The following ERV3-1 variants were observed in gnomAD, a reference collection of about 807,000 sequenced individuals.
The protein encoded by ERV3-1 is endogenous retrovirus group 3 member 1 Env polyprotein.
ERV3-1 carries 36 observed loss-of-function variants against 24.6 expected under a neutral mutation model. The observed-to-expected ratio is 1.47, with a 90% confidence interval of 1.12 to 1.94. The LOEUF is 1.94. Among genes scored for constraint, ERV3-1 ranks in the 30% most tolerant of loss-of-function variants. The pLI, the probability that ERV3-1 is intolerant of heterozygous loss-of-function variation, is 0.00. For synonymous variants in ERV3-1, 211 were observed against 122.6 expected (o/e 1.72, Z -4.76); for missense variants, 578 against 330.9 (o/e 1.75, Z -5.79).
At chr7:64,997,607 TG>T (rs1008361315) in intron 1 of ERV3-1, among the ~76,000 whole-genome samples, 1 of 152,182 alleles carries the variant, frequency 6.6e-6, no homozygotes, top group Non-Finnish European at 1.5e-5. Flanking sequence ...CAGTGTAGGC[TG>T]GCTTCTGGGA....
intron 1 of ERV3-1, chr7:65,003,841 G>A (rs1264476160): frequency 6.6e-6 from 1 of 152,144 alleles, no homozygotes; most frequent in Non-Finnish European, 1.5e-5. Flanking sequence ...AGATGATAGA[G>A]TACAGAACAG....
chr7:64,996,838 T>A (rs1229896860), intron 1 of ERV3-1, among the ~76,000 whole-genome samples: 8 of 152,188 alleles, frequency 5.3e-5, no homozygotes, highest in Non-Finnish European at 1.2e-4. Context: ...TAAAGTTCAT[T>A]AGCTGGCCTC....
At chr7:64,998,371 C>T (rs1313296576) in intron 1 of ERV3-1, among the ~76,000 whole-genome samples, 1 of 152,096 alleles carries the variant, frequency 6.6e-6, no homozygotes, top group East Asian at 1.9e-4. Context: ...GGTCTGGATG[C>T]CCTGGCTGTC....
At position 64,991,771 on chromosome 7, in the gene ERV3-1, C is replaced by T. The variant is rs1427570818; in HGVS notation, c.1256G>A (p.Trp419Ter). Residue 419 changes from tryptophan to a stop codon, truncating the protein, a stop_gained, in exon 2 of 2, where the codon TGG becomes TAG. Coordinates refer to ENST00000394323, the MANE Select transcript of ERV3-1 (RefSeq NM_001007253.4). LOFTEE classifies it high-confidence loss of function. ...NTWQAPSGLYWICGPQAYRQL... is the reference protein window; with the variant it reads ...NTWQAPSGLY ...TCGATATGCTTGTGGCCCACAGATC[C>T]AGTAGAGGCCAGAGGGTGCCTGCCA... The T allele has an allele frequency of 1.3e-6, 1 of 766,164 alleles. No homozygotes were observed. The highest frequency in any genetic ancestry group is 2.4e-6 in the Non-Finnish European group (1 of 417,876). 47.5% of individuals were successfully genotyped at this position (766,164 alleles called of 1,614,324 possible).
At position 64,994,799 on chromosome 7, in the gene ERV3-1, C is replaced by T. The variant is rs917111604; in HGVS notation, c.-388-1385G>A. ...TGTCTTCTGCCAGCTGGAGAACCCT[C>T]GTTAGGGCTGCTAGCTCTGCCTTCT... On this transcript the variant is annotated intron_variant, in intron 1 of 1. Coordinates refer to ENST00000394323, the MANE Select transcript of ERV3-1 (RefSeq NM_001007253.4). Among the ~76,000 whole-genome samples, 20 of 152,370 alleles carry T rather than the reference C, an allele frequency of 1.3e-4. 1 individual carries two copies. Among genetic ancestry groups the T allele is most frequent in the African/African-American group, 4.1e-4 (17 of 41,590 alleles).
At chr7:64,997,956 G>A (rs1044833335) in intron 1 of ERV3-1, among the ~76,000 whole-genome samples, 6 of 152,132 alleles carry the variant, frequency 3.9e-5, no homozygotes, top group Non-Finnish European at 4.4e-5. Flanking sequence ...CGTGTTTCAC[G>A]GAGGGGCATC....
chr7:64,992,515 C>T lies in ERV3-1; in HGVS notation c.512G>A (p.Trp171Ter), dbSNP rs766955895. 4 of 766,092 alleles carry T rather than the reference C, an allele frequency of 5.2e-6. No individual in the cohort carries two copies. In the East Asian group the frequency reaches 7.3e-5, roughly 14 times the overall value. 47.5% of individuals were successfully genotyped at this position (766,092 alleles called of 1,614,324 possible). A position where few individuals can be genotyped will look rare whatever the true frequency, so the allele number is the denominator to read the frequency against. ...CCCTAGTGATTGTTGGTTAGTGGAC[C>T]ACGTTGTGCAGTCCCAGCAAGTTGT... ...PVTTCWDCTT[W>*]STNQQSLGPI... Residue 171 changes from tryptophan to a stop codon, truncating the protein, a stop_gained, in exon 2 of 2, where the codon TGG (tryptophan) becomes TAG (stop). Coordinates refer to ENST00000394323, the MANE Select transcript of ERV3-1 (RefSeq NM_001007253.4). LOFTEE classifies it high-confidence loss of function.
chr7:65,006,125 G>A (rs1241551041), intron 1 of ERV3-1: 4 of 182,024 alleles, frequency 2.2e-5, no homozygotes, highest in East Asian at 3.2e-4. Context: ...ATATTTCTGC[G>A]GAGACTTCCA....
intron 1 of ERV3-1, among the ~76,000 whole-genome samples, chr7:64,995,837 G>A (rs1786396287): frequency 6.6e-6 from 1 of 152,224 alleles, no homozygotes; most frequent in Admixed American, 6.5e-5. Context: ...GGTTGTCTAT[G>A]TACTGCAACA....
chr7:65,001,544 G>A (rs923110503), intron 1 of ERV3-1, among the ~76,000 whole-genome samples: 25 of 152,182 alleles, frequency 1.6e-4, no homozygotes, highest in Non-Finnish European at 1.8e-4. Context: ...AAATCCTGAG[G>A]TGGCAGTGGT....
intron 1 of ERV3-1, among the ~76,000 whole-genome samples, chr7:64,995,021 G>A (rs56294715): frequency 0.49 from 75,310 of 152,162 alleles, 20,032 homozygotes; most frequent in Admixed American, 0.63. Flanking sequence ...CCACAGTCAC[G>A]GAAGGTGATT....
At chr7:64,999,549 C>T (rs1786475492) in intron 1 of ERV3-1, among the ~76,000 whole-genome samples, 1 of 152,200 alleles carries the variant, frequency 6.6e-6, no homozygotes, top group Non-Finnish European at 1.5e-5. Context: ...AGAAGCAGAA[C>T]AAAGACAGTT....
At chr7:64,995,749 A>G (rs1049170076) in intron 1 of ERV3-1, among the ~76,000 whole-genome samples, 2 of 152,152 alleles carry the variant, frequency 1.3e-5, no homozygotes, top group Non-Finnish European at 2.9e-5. Flanking sequence ...GATACTCTAT[A>G]CCCTGCTTTC....
At chr7:65,003,725 T>C (rs908434025) in intron 1 of ERV3-1, 26 of 152,216 alleles carry the variant, frequency 1.7e-4, no homozygotes, top group African/African-American at 6.0e-4. Context: ...GACAATATGT[T>C]ATTATTTCCA....
At chr7:64,997,399 T>G (rs7789856) in intron 1 of ERV3-1, among the ~76,000 whole-genome samples, 12,379 of 152,286 alleles carry the variant, frequency 0.081, 657 homozygotes, top group South Asian at 0.18. Flanking sequence ...CTCAGTAGCC[T>G]CAGTGTCAAA....
chr7:64,996,881 G>C (rs566169579), intron 1 of ERV3-1, among the ~76,000 whole-genome samples: 1 of 152,306 alleles, frequency 6.6e-6, no homozygotes, highest in African/African-American at 2.4e-5. Flanking sequence ...CTCCTGGGGG[G>C]CTAAAGAGAA....
intron 1 of ERV3-1, among the ~76,000 whole-genome samples, chr7:64,997,921 C>T (rs1786439474): frequency 6.6e-6 from 1 of 152,120 alleles, no homozygotes; most frequent in Non-Finnish European, 1.5e-5. Context: ...GAACCTGCCC[C>T]TGTTCATCAT....
chr7:65,006,451 C>CG, intron 1 of ERV3-1, 90 bp downstream of exon 1: 2 of 1,525,298 alleles, frequency 1.3e-6, no homozygotes, highest in Non-Finnish European at 1.8e-6. Context: ...GAGCCAGCTG[C>CG]GGGGAGGCCA....
chr7:64,993,882 T>C (rs1361498649), intron 1 of ERV3-1, among the ~76,000 whole-genome samples: 1 of 152,210 alleles, frequency 6.6e-6, no homozygotes, highest in African/African-American at 2.4e-5. Flanking sequence ...TAATTTCCAT[T>C]TTATTTTTAA....
Sources: allele counts gnomAD v4.1 joint callset (sites outside exome capture counted in the v4.1 genomes callset), GRCh38; gene constraint gnomAD v4.1.1; transcripts MANE v1.5; gene names NCBI Gene and HGNC (gene_info 2026-07-23, HGNC 2026-07-21).